Variants in LAMTOR3 observed in about 807,000 individuals in gnomAD.
LAMTOR3 encodes ragulator complex protein LAMTOR3.
LAMTOR3 carries 14 observed loss-of-function variants against 20.3 expected under a neutral mutation model. The observed-to-expected ratio is 0.69, with a 90% CI of 0.46 to 1.08. LAMTOR3 has a LOEUF of 1.08. Among genes scored for constraint, LAMTOR3 ranks in the 50% least tolerant of loss-of-function variants. The pLI is 0.00. For missense variants in LAMTOR3, 125 were observed against 143.7 expected (o/e 0.87, Z 0.67); for synonymous variants, 40 against 49.4 (o/e 0.81, Z 0.80).
chr4:99,882,033 T>C lies in LAMTOR3; in HGVS notation c.336A>G (p.Pro112=), dbSNP rs937297686. The change falls in exon 7 of 7, where the codon CCA becomes CCG. Residue 112 remains proline, a synonymous_variant. Coordinates refer to ENST00000499666, the MANE Select transcript of LAMTOR3 (RefSeq NM_021970.4). ...LIVSLEKELA[P]LFEELRQVVE... ...CAACTTGTCTCAGTTCTTCAAACAATGGAGCAAGTTCCTTTTCTAGGCTGA... is the reference window on the plus strand; with the variant it reads ...CAACTTGTCTCAGTTCTTCAAACAACGGAGCAAGTTCCTTTTCTAGGCTGA... 6.3e-7 allele frequency: 1 copy of C among 1,598,142 alleles called. No homozygotes were observed. Among genetic ancestry groups the C allele is most frequent in the Non-Finnish European group, 8.5e-7 (1 of 1,174,850 alleles).
intron 4 of LAMTOR3, among the ~76,000 whole-genome samples, chr4:99,886,326 C>T (rs967482541): frequency 6.6e-6 from 1 of 152,220 alleles, no homozygotes; most frequent in African/African-American, 2.4e-5. Flanking sequence ...CTGGACCACA[C>T]ATCAGGAGAT....
chr4:99,883,627 G>C (rs1390014107), intron 6 of LAMTOR3, among the ~76,000 whole-genome samples: 10 of 151,780 alleles, frequency 6.6e-5, no homozygotes, highest in Admixed American at 5.9e-4. Flanking sequence ...TCCCCATTAG[G>C]TAAAATTTAA....
chr4:99,880,626 G>A lies in LAMTOR3; in HGVS notation c.*1368C>T. On this transcript the variant is annotated 3_prime_UTR_variant, in exon 7 of 7. Transcript: ENST00000499666. ...AAAAAAAAGAAAGAAAGAAAAAGCA[G>A]CACAGCACCTAGCCAATTGCCTCAC... 6.6e-6 allele frequency: 1 copy of A among 152,482 alleles called. No homozygotes were observed. The highest frequency in any genetic ancestry group is 1.5e-5 in the Non-Finnish European group (1 of 68,368). 9.4% of individuals were successfully genotyped at this position (152,482 alleles called of 1,614,324 possible).
In LAMTOR3 at chr4:99,880,487, G is replaced by A. The variant is rs1468580409; in HGVS notation, c.*1507C>T. The A allele has an allele frequency of 6.6e-6, 1 of 151,968 alleles. No individual in the cohort carries two copies. The highest frequency in any genetic ancestry group is 2.4e-5 in the African/African-American group (1 of 41,348). The allele number at this position is 151,968 out of a possible 1,614,324, so 9.4% of individuals were successfully genotyped here. The stretch of plus-strand genomic sequence containing the variant: ...GTAAGCCTGTAATCCCAGCTACAAG[G>A]GAGAATGGGGCATGAGAACAGCTTG... On this transcript the variant is annotated 3_prime_UTR_variant, in exon 7 of 7. Transcript: ENST00000499666.
At chr4:99,891,254 G>C (rs1437877357) in intron 3 of LAMTOR3, among the ~76,000 whole-genome samples, 1 of 152,184 alleles carries the variant, frequency 6.6e-6, no homozygotes, top group Middle Eastern at 3.4e-3. Flanking sequence ...ATTACGCTAA[G>C]GTAACTACAG....
At chr4:99,886,922 A>ATG (rs374746557) in intron 4 of LAMTOR3, among the ~76,000 whole-genome samples, 5 of 152,168 alleles carry the variant, frequency 3.3e-5, no homozygotes, top group East Asian at 3.9e-4. Context: ...TGTGGTATGT[A>ATG]TATATATACA....
intron 2 of LAMTOR3, among the ~76,000 whole-genome samples, chr4:99,892,790 T>C (rs1281960815): frequency 2.6e-5 from 4 of 151,816 alleles, no homozygotes; most frequent in Non-Finnish European, 5.9e-5. Flanking sequence ...ACGATTCTCC[T>C]GCCTCAACCT....
intron 6 of LAMTOR3, among the ~76,000 whole-genome samples, chr4:99,882,523 T>C (rs763023327): frequency 4.6e-5 from 7 of 152,136 alleles, no homozygotes; most frequent in Non-Finnish European, 1.0e-4. Context: ...AAAATACTTA[T>C]ATATTAGGAA....
chr4:99,887,245 AT>A, intron 4 of LAMTOR3, 50 bp downstream of exon 4: 1 of 1,241,362 alleles, frequency 8.1e-7, no homozygotes, highest in Non-Finnish European at 1.1e-6. Context: ...AATTACACAC[AT>A]TTTTAGTCAA....
In LAMTOR3 at chr4:99,894,373, T is replaced by C. The variant is rs941892731; in HGVS notation, c.-76A>G. ...GCTGCCTGGTTCTCTCCGCTGTCAC[T>C]TCAGGGACAGCTTTAAAGACAGGTT... On this transcript the variant is annotated 5_prime_UTR_variant, in exon 1 of 7. Transcript: ENST00000499666. 3 of 178,422 alleles carry C rather than the reference T, an allele frequency of 1.7e-5. No homozygotes were observed. Among genetic ancestry groups the C allele is most frequent in the African/African-American group, 7.0e-5 (3 of 42,616 alleles). 11.1% of individuals were successfully genotyped at this position (178,422 alleles called of 1,614,324 possible).
Position 99,887,395 on chromosome 4 carries a change from T to A in LAMTOR3, c.45-41A>T, listed in dbSNP as rs761278850. ...AGTTAAAATATAAAAAAAGTTAAAA[T>A]ATAAAATTTTAAAAAGTTAAAATAT... On this transcript the variant is annotated intron_variant, in intron 3 of 6. Transcript: ENST00000499666. 4.3e-5 allele frequency: 42 copies of A among 975,138 alleles called. No individual in the cohort carries two copies. In the Middle Eastern group the frequency reaches 2.1e-3, roughly 49 times the overall value. 60.4% of individuals were successfully genotyped at this position (975,138 alleles called of 1,614,324 possible).
chr4:99,892,814 G>A (rs1162714158), intron 2 of LAMTOR3, among the ~76,000 whole-genome samples: 1 of 151,864 alleles, frequency 6.6e-6, no homozygotes, highest in Non-Finnish European at 1.5e-5. Flanking sequence ...GAGTAGCTGG[G>A]ATTACAAGCA....
chr4:99,885,732 A>C (rs1436621168), intron 4 of LAMTOR3, 57 bp from the exon 5 acceptor site: 2 of 1,440,414 alleles, frequency 1.4e-6, no homozygotes, highest in Non-Finnish European at 1.9e-6. Context: ...AGAGAGATTT[A>C]CAGCCCTTTT....
chr4:99,881,133 A>T lies in LAMTOR3; in HGVS notation c.*861T>A, dbSNP rs1724818944. The T allele has an allele frequency of 6.6e-6, 1 of 152,212 alleles. No homozygotes were observed. The highest frequency in any genetic ancestry group is 2.1e-4 in the South Asian group (1 of 4,828). 9.4% of individuals were successfully genotyped at this position (152,212 alleles called of 1,614,324 possible). A position where few individuals can be genotyped will look rare whatever the true frequency, so the allele number is the denominator to read the frequency against. ...ACTCATTATTTATTCATGTGGCTGAAAGAGTATATTAATTATGTTTAGATT... is the reference window on the plus strand; with the variant it reads ...ACTCATTATTTATTCATGTGGCTGATAGAGTATATTAATTATGTTTAGATT... On this transcript the variant is annotated 3_prime_UTR_variant, in exon 7 of 7. Coordinates refer to ENST00000499666, the MANE Select transcript of LAMTOR3 (RefSeq NM_021970.4).
chr4:99,893,474 C>A (rs1357426950), intron 2 of LAMTOR3, among the ~76,000 whole-genome samples: 1 of 150,736 alleles, frequency 6.6e-6, no homozygotes, highest in Non-Finnish European at 1.5e-5. Flanking sequence ...TATCCTCCTA[C>A]ACACACACAC....
chr4:99,881,937 GGATT>G lies in LAMTOR3; in HGVS notation c.*53_*56del. ...GTATTATTGTAGTCTAAAGATTGCT[GGATT>G]GATATTGTGTTGTTATAATGAAGAT... is the stretch of plus-strand genomic sequence containing the variant. On this transcript the variant is annotated 3_prime_UTR_variant, in exon 7 of 7. Transcript: ENST00000499666. 1 of 1,177,214 alleles carries G rather than the reference GGATT, an allele frequency of 8.5e-7. No individual in the cohort carries two copies. The highest frequency in any genetic ancestry group is 1.3e-6 in the Non-Finnish European group (1 of 793,066). 72.9% of individuals were successfully genotyped at this position (1,177,214 alleles called of 1,614,324 possible).
intron 3 of LAMTOR3, among the ~76,000 whole-genome samples, chr4:99,888,115 T>C (rs146818683): frequency 1.3e-4 from 20 of 152,344 alleles, no homozygotes; most frequent in African/African-American, 4.1e-4. Flanking sequence ...GGTCAAGCTA[T>C]AGCTCTAAAG....
In LAMTOR3 at chr4:99,881,962, A is replaced by C. The variant is rs1223676851; in HGVS notation, c.*32T>G. ...GGATTGATATTGTGTTGTTATAATG[A>C]AGATAAGGTACACACTGAAACCACT... On this transcript the variant is annotated 3_prime_UTR_variant, in exon 7 of 7. Coordinates refer to ENST00000499666, the MANE Select transcript of LAMTOR3 (RefSeq NM_021970.4). 7.3e-7 allele frequency: 1 copy of C among 1,372,500 alleles called. No individual in the cohort carries two copies. The highest frequency in any genetic ancestry group is 1.2e-5 in the South Asian group (1 of 84,680). 85.0% of individuals were successfully genotyped at this position (1,372,500 alleles called of 1,614,324 possible).
At chr4:99,890,846 T>C (rs1486093448) in intron 3 of LAMTOR3, among the ~76,000 whole-genome samples, 1 of 152,220 alleles carries the variant, frequency 6.6e-6, no homozygotes, top group Non-Finnish European at 1.5e-5. Flanking sequence ...CTCAGTAATA[T>C]AATAAATACT....
Sources: allele counts gnomAD v4.1 joint callset (sites outside exome capture counted in the v4.1 genomes callset), GRCh38; gene constraint gnomAD v4.1.1; transcripts MANE v1.5; gene names NCBI Gene and HGNC (gene_info 2026-07-23, HGNC 2026-07-21).